The following SHANK1 variants were observed in gnomAD, a reference collection of about 807,000 sequenced individuals.
SHANK1 encodes SH3 and multiple ankyrin repeat domains 1, also known as SH3 and multiple ankyrin repeat domains protein 1.
A neutral mutation model predicts 165.6 loss-of-function variants in SHANK1; 35 were observed. The ratio of observed to expected loss-of-function variants is 0.21; its 90% confidence interval spans 0.16 to 0.28. The LOEUF is 0.28. Ranked by LOEUF, SHANK1 falls within the 10% of genes least tolerant of loss-of-function variation. The probability of loss-of-function intolerance (pLI) is 1.00; values close to 1 mark genes in which losing one functional copy is unlikely to be tolerated. For synonymous variants in SHANK1, 1,428 were observed against 1,384.8 expected (o/e 1.03, Z -0.69); for missense variants, 2,681 against 3,036.4 (o/e 0.88, Z 2.75).
rs67938945 is a variant in SHANK1, at chr19:50,714,690, CAA to C, written c.532-402_532-401del. On this transcript the variant is annotated intron_variant, in intron 4 of 23. Coordinates refer to ENST00000293441, the MANE Select transcript of SHANK1 (RefSeq NM_016148.5). The stretch of plus-strand genomic sequence containing the variant: ...CGGGTGACAGAGCAAGACCCCGTCT[CAA>C]AAAAAAAAAAAAAAAAAATCAGGGT... Among the ~76,000 whole-genome samples, 414 of 103,048 alleles carry C rather than the reference CAA, an allele frequency of 4.0e-3. 2 individuals are homozygous for C. Among genetic ancestry groups the C allele is most frequent in the African/African-American group, 0.013 (373 of 29,484 alleles). 67.6% of individuals were successfully genotyped at this position (103,048 alleles called of 152,430 possible).
chr19:50,694,443 G>A (rs2123150826), intron 15 of SHANK1, among the ~76,000 whole-genome samples: 1 of 150,906 alleles, frequency 6.6e-6, no homozygotes, highest in African/African-American at 2.4e-5. Flanking sequence ...GGCCTGGGAT[G>A]TAGGCGGATG....
At chr19:50,701,268 G>A (rs1203038687) in intron 12 of SHANK1, among the ~76,000 whole-genome samples, 3 of 139,350 alleles carry the variant, frequency 2.2e-5, no homozygotes, top group South Asian at 2.3e-4. Flanking sequence ...TGCAACCTCC[G>A]CCTCCCGGGT....
In SHANK1 at chr19:50,713,673, G is replaced by A. The variant is rs2089035432; in HGVS notation, c.792+125C>T. 3 of 1,261,004 alleles carry A rather than the reference G, an allele frequency of 2.4e-6. No individual in the cohort carries two copies. In the Admixed American group the frequency reaches 5.9e-5, roughly 25 times the overall value. 78.1% of individuals were successfully genotyped at this position (1,261,004 alleles called of 1,614,324 possible). On this transcript the variant is annotated intron_variant, in intron 6 of 23. Coordinates refer to ENST00000293441, the MANE Select transcript of SHANK1 (RefSeq NM_016148.5). The surrounding 1 kb of genome is among the most constrained non-coding windows in gnomAD (Gnocchi z 6.2). ...GCTGTGTCTCAGTCTATGGAAAGGG[G>A]CTTTGAACTGGGGACATGAGAGGGC... is the stretch of plus-strand genomic sequence containing the variant.
rs568941289 is a variant in SHANK1 at position 50,668,537 on chromosome 19, C to T, written c.3423G>A (p.Pro1141=). The T allele has an allele frequency of 1.5e-6, 2 of 1,352,062 alleles. No homozygotes were observed. Among genetic ancestry groups the T allele is most frequent in the South Asian group, 2.3e-5 (1 of 42,594 alleles). 83.8% of individuals were successfully genotyped at this position (1,352,062 alleles called of 1,614,324 possible). Residue 1141 remains proline, a synonymous_variant, in exon 23 of 24, where the codon CCG becomes CCA. Transcript: ENST00000293441. ...TCTCCGAGGGCGCGGCCACGGCGGG[C>T]GGCGGCTGCGGGGAGGCCGGGGACG... The part of the protein sequence containing the change: ...SPTSPASPQP[P]PAVAAPSEKN...
intron 15 of SHANK1, among the ~76,000 whole-genome samples, chr19:50,696,707 C>T (rs1599861600): frequency 6.6e-6 from 1 of 151,988 alleles, no homozygotes. Flanking sequence ...CGTTAATGTG[C>T]GAGTACACAC....
Position 50,686,457 on chromosome 19 carries a change from C to T in SHANK1, c.2459-102G>A. The T allele has an allele frequency of 1.1e-6, 1 of 872,388 alleles. No individual in the cohort carries two copies. The highest frequency in any genetic ancestry group is 2.3e-5 in the Admixed American group (1 of 42,794). 54.0% of individuals were successfully genotyped at this position (872,388 alleles called of 1,614,324 possible). A position where few individuals can be genotyped will look rare whatever the true frequency, so the allele number is the denominator to read the frequency against. The stretch of plus-strand genomic sequence containing the variant: ...GCTGCCGCCCGCAGTTCATCCAGCA[C>T]CTGGATCAACCAGGAAAGGGCAGCC... On this transcript the variant is annotated intron_variant, in intron 20 of 23. Coordinates refer to ENST00000293441, the MANE Select transcript of SHANK1 (RefSeq NM_016148.5). The surrounding 1 kb of genome is among the most constrained non-coding windows in gnomAD (Gnocchi z 5.7).
chr19:50,671,627 G>A (rs770437744), intron 22 of SHANK1, among the ~76,000 whole-genome samples: 2 of 151,794 alleles, frequency 1.3e-5, no homozygotes, highest in African/African-American at 2.4e-5. Context: ...TGTTTTATTC[G>A]CTGACGTATC....
intron 4 of SHANK1, among the ~76,000 whole-genome samples, chr19:50,715,095 T>C (rs961225826): frequency 6.6e-6 from 1 of 152,052 alleles, no homozygotes; most frequent in African/African-American, 2.4e-5. Flanking sequence ...TCTTCATTTC[T>C]GACCAAAGCA....
chr19:50,688,626 T>C lies in SHANK1; in HGVS notation c.2172+218A>G, dbSNP rs1210235300. On this transcript the variant is annotated intron_variant, in intron 17 of 23. Coordinates refer to ENST00000293441, the MANE Select transcript of SHANK1 (RefSeq NM_016148.5). This position sits in a 1 kb window ranked among gnomAD's most constrained non-coding sequence, Gnocchi z 6.7. ...CCTGGCCATCCCCCGGTATTGTGTA[T>C]GTGTTGGGGACAGCTCTGTGTCACT... Among the ~76,000 whole-genome samples, 1 of 152,114 alleles carries C rather than the reference T, an allele frequency of 6.6e-6. No homozygotes were observed. The highest frequency in any genetic ancestry group is 1.5e-5 in the Non-Finnish European group (1 of 68,010).
chr19:50,668,684 G>A lies in SHANK1; in HGVS notation c.3276C>T (p.Ala1092=). 2.3e-6 allele frequency: 3 copies of A among 1,312,016 alleles called. No homozygotes were observed. Among genetic ancestry groups the A allele is most frequent in the South Asian group, 2.2e-5 (1 of 44,646 alleles). 81.3% of individuals were successfully genotyped at this position (1,312,016 alleles called of 1,614,324 possible). Residue 1092 remains alanine (A), a synonymous_variant, in exon 23 of 24, where the codon GCC becomes GCT. Transcript: ENST00000293441. The stretch of plus-strand genomic sequence containing the variant: ...GGGCGGGCACGTACATGGCTGCGCT[G>A]GCCGCCCGCGGGGGCAGCTGGAAAT... ...LRYFQLPPRA[A]SAAMYVPARS... is the part of the protein sequence containing the mutation.
chr19:50,685,400 G>A (rs1317993396), intron 21 of SHANK1, among the ~76,000 whole-genome samples: 1 of 152,162 alleles, frequency 6.6e-6, no homozygotes, highest in Non-Finnish European at 1.5e-5. Context: ...TACCTCCCAG[G>A]ATGAATCTAA....
At chr19:50,711,343 G>T in intron 8 of SHANK1, 28 bp downstream of exon 8, 1 of 1,503,954 alleles carries the variant, frequency 6.6e-7, no homozygotes, top group Non-Finnish European at 9.1e-7. Context: ...GGATGTGAGG[G>T]GCCTGGGGTG....
intron 4 of SHANK1, among the ~76,000 whole-genome samples, chr19:50,714,710 ATC>A (rs987715639): frequency 3.8e-4 from 57 of 150,282 alleles, no homozygotes; most frequent in Non-Finnish European, 6.9e-4. Context: ...AAAAAAAAAA[ATC>A]AGGGTGGTTG....
intron 8 of SHANK1, among the ~76,000 whole-genome samples, chr19:50,707,732 T>C (rs1321396154): frequency 6.6e-6 from 1 of 152,026 alleles, no homozygotes; most frequent in Non-Finnish European, 1.5e-5. Flanking sequence ...CGACTCTGAC[T>C]GCCAAAGTCA....
chr19:50,687,736 C>G, intron 18 of SHANK1, 74 bp from the exon 19 acceptor site: 1 of 1,388,364 alleles, frequency 7.2e-7, no homozygotes, highest in Non-Finnish European at 9.7e-7. Context: ...CCACAGGGCT[C>G]CCAGGGCTCA....
Position 50,660,240 on chromosome 19 carries a change from C to A in SHANK1, c.*1725G>T, listed in dbSNP as rs190722401. Among the ~76,000 whole-genome samples the A allele has an allele frequency of 6.6e-5, 10 of 152,082 alleles. No individual in the cohort carries two copies. Among genetic ancestry groups the A allele is most frequent in the Admixed American group, 5.9e-4 (9 of 15,294 alleles). On this transcript the variant is annotated 3_prime_UTR_variant, in exon 24 of 24. Transcript: ENST00000293441. ...GGAATAAGCGGAGAGAGGAAGCGTGCGGGAAGGAACAGCCATGCTGGAGGG... is the reference window on the plus strand; with the variant it reads ...GGAATAAGCGGAGAGAGGAAGCGTGAGGGAAGGAACAGCCATGCTGGAGGG...
chr19:50,684,860 A>G (rs1019772862), intron 21 of SHANK1, among the ~76,000 whole-genome samples: 6 of 152,264 alleles, frequency 3.9e-5, no homozygotes, highest in Admixed American at 1.3e-4. Flanking sequence ...TGTTGACAAA[A>G]AAAGATGATA....
chr19:50,676,558 G>A (rs970251721), intron 21 of SHANK1, among the ~76,000 whole-genome samples: 1 of 152,048 alleles, frequency 6.6e-6, no homozygotes, highest in Admixed American at 6.6e-5. Flanking sequence ...GGTAGGACCT[G>A]CAAGTTTCAG....
At chr19:50,672,502 G>A (rs1985830276) in intron 21 of SHANK1, among the ~76,000 whole-genome samples, 1 of 131,090 alleles carries the variant, frequency 7.6e-6, no homozygotes, top group Non-Finnish European at 1.5e-5. Flanking sequence ...GCTACAGTGA[G>A]CCAAGATCAC....
Sources: allele counts gnomAD v4.1 joint callset (sites outside exome capture counted in the v4.1 genomes callset), GRCh38; gene constraint gnomAD v4.1.1; non-coding constraint Gnocchi (gnomAD v3.1); transcripts MANE v1.5; gene names NCBI Gene and HGNC (gene_info 2026-07-23, HGNC 2026-07-21).